Variants in ADGRF3 observed in about 807,000 individuals in gnomAD.
The protein encoded by ADGRF3 is G protein-coupled receptor 113.
In ADGRF3, 85 loss-of-function variants were observed where a neutral mutation model predicts 93.2. That is an observed-to-expected ratio of 0.91 (90% confidence interval 0.77 to 1.09). The LOEUF (loss-of-function observed/expected upper bound fraction) is 1.09, where lower values mean the gene tolerates loss of function less well. Ranked by LOEUF, ADGRF3 falls within the 50% of genes least tolerant of loss-of-function variation. The probability of loss-of-function intolerance (pLI) is 0.00; values close to 1 mark genes in which losing one functional copy is unlikely to be tolerated. For synonymous variants in ADGRF3, 534 were observed against 532.5 expected (o/e 1.00, Z -0.04); for missense variants, 1,125 against 1,246.2 (o/e 0.90, Z 1.46).
rs567797598 is a variant in ADGRF3, at chr2:26,323,449, A to G, written c.115-5887T>C. Among the ~76,000 whole-genome samples, 13 of 152,272 alleles carry G rather than the reference A, an allele frequency of 8.5e-5. 1 individual carries two copies. The South Asian group carries it at 2.7e-3, about 32-fold the overall frequency. ...CTAAACATGGATTGTGAAGGCTGCT[A>G]GTAAGCAGTGCTCCCTTATTTCATT... On this transcript the variant is annotated intron_variant, in intron 1 of 13. Coordinates refer to ENST00000651242, the MANE Select transcript of ADGRF3 (RefSeq NM_001321971.2).
At chr2:26,346,036 C>A in intron 1 of ADGRF3, 85 bp downstream of exon 1, 15 of 1,373,308 alleles carry the variant, frequency 1.1e-5, no homozygotes, top group Non-Finnish European at 1.4e-5. Context: ...CGGGGAGAAG[C>A]GTGGGCTGCG....
At position 26,311,886 on chromosome 2, in the gene ADGRF3, C is replaced by T. The variant is rs760068001; in HGVS notation, c.1638G>A (p.Leu546=). The change falls in exon 10 of 14, where the codon CTG becomes CTA. Residue 546 remains leucine (L), a synonymous_variant. Coordinates refer to ENST00000651242, the MANE Select transcript of ADGRF3 (RefSeq NM_001321971.2). ...AGTCAGCAGGAAACGTGGGTCCAAA[C>T]AGCTGGCTCTGCAGCAGCACATTGG... ...SLPNVLLQSQ[L]FGPTFPADYS... The T allele has an allele frequency of 1.2e-6, 2 of 1,613,930 alleles. No individual in the cohort carries two copies. Among genetic ancestry groups the T allele is most frequent in the East Asian group, 2.2e-5 (1 of 44,874 alleles).
intron 1 of ADGRF3, among the ~76,000 whole-genome samples, chr2:26,321,800 C>T (rs1484064230): frequency 1.3e-5 from 2 of 151,680 alleles, no homozygotes; most frequent in Non-Finnish European, 2.9e-5. Context: ...GGTGAAACCC[C>T]GTTTCTACTA....
chr2:26,341,836 G>A (rs1558404059), intron 1 of ADGRF3, among the ~76,000 whole-genome samples: 1 of 152,098 alleles, frequency 6.6e-6, no homozygotes, highest in African/African-American at 2.4e-5. Context: ...CGCTTTGGGA[G>A]GCTGAGGCGG....
chr2:26,309,331 T>G, intron 13 of ADGRF3, 195 bp downstream of exon 13: 2 of 1,485,542 alleles, frequency 1.3e-6, no homozygotes, highest in Non-Finnish European at 8.9e-7. Flanking sequence ...GTGCTATGCT[T>G]TCTGCTCTCT....
At chr2:26,329,631 C>T (rs1416993792) in intron 1 of ADGRF3, among the ~76,000 whole-genome samples, 2 of 152,214 alleles carry the variant, frequency 1.3e-5, no homozygotes, top group African/African-American at 4.8e-5. Context: ...TTACATAATA[C>T]ATTTGTTTTG....
intron 1 of ADGRF3, among the ~76,000 whole-genome samples, chr2:26,331,401 T>A (rs1675758474): frequency 1.3e-5 from 2 of 152,088 alleles, no homozygotes; most frequent in South Asian, 4.2e-4. Flanking sequence ...AACACAAAAA[T>A]TAGCTGGGCG....
intron 1 of ADGRF3, among the ~76,000 whole-genome samples, chr2:26,345,110 G>GT (rs1414571698): frequency 6.6e-6 from 1 of 152,118 alleles, no homozygotes; most frequent in African/African-American, 2.4e-5. Flanking sequence ...TCCGAGCTTC[G>GT]TAACTAAGTG....
chr2:26,321,462 T>C (rs934723343), intron 1 of ADGRF3, among the ~76,000 whole-genome samples: 8 of 152,044 alleles, frequency 5.3e-5, no homozygotes, highest in Non-Finnish European at 8.8e-5. Context: ...AGGCATGAAG[T>C]GGTCCTAGAC....
chr2:26,324,059 A>G (rs1574719355), intron 1 of ADGRF3, among the ~76,000 whole-genome samples: 1 of 152,194 alleles, frequency 6.6e-6, no homozygotes, highest in South Asian at 2.1e-4. Context: ...CCTGGGCAAC[A>G]TGACAAAACC....
At chr2:26,313,262 A>G in intron 8 of ADGRF3, 115 bp downstream of exon 8, 1 of 1,432,426 alleles carries the variant, frequency 7.0e-7, no homozygotes, top group South Asian at 1.3e-5. Flanking sequence ...TCCACTTCAG[A>G]GAAGCTGAAC....
At chr2:26,316,888 G>T in intron 3 of ADGRF3, 24 bp downstream of exon 3, 1 of 1,588,064 alleles carries the variant, frequency 6.3e-7, no homozygotes, top group Non-Finnish European at 8.5e-7. Flanking sequence ...TTCACTCTCA[G>T]CCCCCTTCCC....
intron 1 of ADGRF3, among the ~76,000 whole-genome samples, chr2:26,333,990 T>TA (rs1675905704): frequency 6.6e-6 from 1 of 151,398 alleles, no homozygotes; most frequent in Admixed American, 6.6e-5. Flanking sequence ...CAGCTAGTTT[T>TA]TTTTTTTGTA....
chr2:26,319,169 A>G (rs1266527360), intron 1 of ADGRF3: 3 of 1,050,340 alleles, frequency 2.9e-6, no homozygotes, highest in Non-Finnish European at 4.1e-6. Context: ...GAATTTACAG[A>G]GGAAGCGCTA....
chr2:26,310,830 T>G lies in ADGRF3; in HGVS notation c.2694A>C (p.Gln898His), dbSNP rs1197009319. 3.7e-6 allele frequency: 6 copies of G among 1,613,416 alleles called. No individual in the cohort carries two copies. Among genetic ancestry groups the G allele is most frequent in the Non-Finnish European group, 5.1e-6 (6 of 1,179,686 alleles). ...GGGCTTTGATCACCCCCAGCAGAGCTTGGCGCTTCTCTGCTGGGGGTCCCT... is the reference window on the plus strand; with the variant it reads ...GGGCTTTGATCACCCCCAGCAGAGCGTGGCGCTTCTCTGCTGGGGGTCCCT... ...LSEGPPAEKR[Q>H]ALLGVIKALL... Residue 898 changes from glutamine (Q) to histidine (H), a missense_variant, in exon 10 of 14, where the codon CAA becomes CAC. Gln to His is a conservative substitution (Grantham distance 24, BLOSUM62 0). Transcript: ENST00000651242.
intron 1 of ADGRF3, among the ~76,000 whole-genome samples, chr2:26,338,671 A>G (rs1676189405): frequency 6.6e-6 from 1 of 152,062 alleles, no homozygotes; most frequent in Non-Finnish European, 1.5e-5. Flanking sequence ...CATGTTGGCC[A>G]GGCTGGTCTC....
rs77307201 is a variant in ADGRF3, at chr2:26,332,322, G to A, written c.114+13799C>T. Among the ~76,000 whole-genome samples, 833 of 152,330 alleles carry A rather than the reference G, an allele frequency of 5.5e-3. 36 individuals carry two copies. In the South Asian group the frequency reaches 0.087, roughly 16 times the overall value. ...CAGTTTGGGATCATTGCTGCCAGAG[G>A]TGTGAATAGAAATGGAGGTGGAATT... On this transcript the variant is annotated intron_variant, in intron 1 of 13. Coordinates refer to ENST00000651242, the MANE Select transcript of ADGRF3 (RefSeq NM_001321971.2).
rs1355058697 is a variant in ADGRF3 at position 26,346,058 on chromosome 2, A to AGAGGCGGCCGAAGGGGCC, written c.114+45_114+62dup. On this transcript the variant is annotated intron_variant, in intron 1 of 13. Coordinates refer to ENST00000651242, the MANE Select transcript of ADGRF3 (RefSeq NM_001321971.2). The stretch of plus-strand genomic sequence containing the variant: ...AAGCGTGGGCTGCGCTTGCGCACTG[A>AGAGGCGGCCGAAGGGGCC]GAGGCGGCCGAAGGGGCCGAGGCGG... 3 of 1,488,746 alleles carry AGAGGCGGCCGAAGGGGCC rather than the reference A, an allele frequency of 2.0e-6. No homozygotes were observed. The African/African-American group carries it at 4.2e-5, about 21-fold the overall frequency. The allele number at this position is 1,488,746 out of a possible 1,614,324, so 92.2% of individuals were successfully genotyped here.
intron 1 of ADGRF3, chr2:26,345,904 C>G: frequency 1.8e-6 from 1 of 556,094 alleles, no homozygotes; most frequent in Non-Finnish European, 3.2e-6. Flanking sequence ...TTGACGCTAG[C>G]AAATGAAGCG....
Sources: gnomAD v4.1 joint callset for allele counts (sites outside exome capture counted in the v4.1 genomes callset) on GRCh38, gnomAD v4.1.1 for gene constraint, MANE v1.5 for transcripts, NCBI Gene and HGNC (gene_info 2026-07-23, HGNC 2026-07-21) for gene names.